The following DLG2 variants were observed in gnomAD, a reference collection of about 807,000 sequenced individuals.
DLG2 encodes the protein disks large homolog 2.
A neutral mutation model predicts 132.5 loss-of-function variants in DLG2; 45 were observed. The observed-to-expected ratio is 0.34, with a 90% CI of 0.27 to 0.44. DLG2 has a LOEUF of 0.44. DLG2 is among the 20% of genes least tolerant of loss of function. The probability of loss-of-function intolerance (pLI) is 1.00; values close to 1 mark genes in which losing one functional copy is unlikely to be tolerated. For synonymous variants in DLG2, 424 were observed against 419.6 expected (o/e 1.01, Z -0.13); for missense variants, 1,045 against 1,196.9 (o/e 0.87, Z 1.87).
chr11:84,685,409 T>C (rs1282484979), intron 6 of DLG2, among the ~76,000 whole-genome samples: 2 of 152,222 alleles, frequency 1.3e-5, no homozygotes, highest in Non-Finnish European at 2.9e-5. Context: ...CCCAGGATTA[T>C]TGGGCAAGAA....
At chr11:85,269,285 C>T (rs958299228) in intron 4 of DLG2, among the ~76,000 whole-genome samples, 1 of 152,166 alleles carries the variant, frequency 6.6e-6, no homozygotes, top group Admixed American at 6.5e-5. Flanking sequence ...GATCTTGGCC[C>T]ATCAGAAAAC....
At chr11:84,833,629 A>C (rs2079324270) in intron 6 of DLG2, among the ~76,000 whole-genome samples, 1 of 151,408 alleles carries the variant, frequency 6.6e-6, no homozygotes, top group African/African-American at 2.4e-5. Flanking sequence ...GTGATGAAAA[A>C]AAAAAGAGCA....
At chr11:83,510,281 C>T (rs964239141) in intron 21 of DLG2, among the ~76,000 whole-genome samples, 5 of 147,098 alleles carry the variant, frequency 3.4e-5, no homozygotes, top group Admixed American at 3.4e-4. Context: ...TGGATGTTGA[C>T]TCAGTTTCAG....
intron 6 of DLG2, among the ~76,000 whole-genome samples, chr11:84,961,526 TTGTGTGTGTGTGTG>T (rs71465017): frequency 5.6e-4 from 81 of 143,892 alleles, no homozygotes; most frequent in East Asian, 1.5e-3. Context: ...AATTGTATCT[TTGTGTGTGTGTGTG>T]TGTGTGTGTG....
intron 3 of DLG2, among the ~76,000 whole-genome samples, chr11:85,339,468 A>C (rs2082340972): frequency 6.6e-6 from 1 of 152,224 alleles, no homozygotes; most frequent in African/African-American, 2.4e-5. Flanking sequence ...ATCAATTTGC[A>C]TTGACATCAC....
At chr11:85,021,693 G>T in intron 6 of DLG2, 1 of 962,868 alleles carries the variant, frequency 1.0e-6, no homozygotes, top group African/African-American at 1.6e-5. Flanking sequence ...CTGAAAATGT[G>T]GCTGAAGATC....
chr11:84,132,371 T>C (rs2094452225), intron 9 of DLG2, among the ~76,000 whole-genome samples: 1 of 151,974 alleles, frequency 6.6e-6, no homozygotes, highest in Non-Finnish European at 1.5e-5. Context: ...GGTGGTAATG[T>C]GCAGATGCTT....
At chr11:85,527,186 T>TTTTTTA (rs1213726227) in intron 3 of DLG2, among the ~76,000 whole-genome samples, 5 of 151,980 alleles carry the variant, frequency 3.3e-5, no homozygotes, top group Middle Eastern at 3.2e-3. Context: ...ATTTTTTTTT[T>TTTTTTA]TTTTTATTTT....
rs563444469 is a variant in DLG2, at chr11:84,912,719, C to T, written c.357+198942G>A. 1.7e-3 allele frequency among the ~76,000 whole-genome samples: 257 copies of T among 152,260 alleles called. 1 individual carries two copies. The highest frequency in any genetic ancestry group is 2.1e-3 in the Non-Finnish European group (146 of 68,020). ...TCCACATCTCCTATATGGCGTGAGC[C>T]GTGGATGGGAAGTATAGCTGGAATT... is the stretch of plus-strand genomic sequence containing the variant. On this transcript the variant is annotated intron_variant, in intron 6 of 27. Coordinates refer to ENST00000376104, the MANE Select transcript of DLG2 (RefSeq NM_001142699.3).
rs1487708958 is a variant in DLG2 at position 85,328,887 on chromosome 11, G to T, written c.41-43522C>A. Among the ~76,000 whole-genome samples, 3 of 68,898 alleles carry T rather than the reference G, an allele frequency of 4.4e-5. 1 individual carries two copies. The Admixed American group carries it at 4.7e-4, about 11-fold the overall frequency. 45.2% of individuals were successfully genotyped at this position (68,898 alleles called of 152,430 possible). A position where few individuals can be genotyped will look rare whatever the true frequency, so the allele number is the denominator to read the frequency against. ...TTATCTAGAAAACCCCATCGTCTCA[G>T]CCCAAAATCTCCTTAAGCTGATAAG... is the stretch of plus-strand genomic sequence containing the variant. On this transcript the variant is annotated intron_variant, in intron 3 of 27. Transcript: ENST00000376104.
chr11:83,980,004 T>A (rs1330011924), intron 12 of DLG2, among the ~76,000 whole-genome samples: 2 of 152,202 alleles, frequency 1.3e-5, no homozygotes, highest in Non-Finnish European at 2.9e-5. Flanking sequence ...ACTTTTGAAA[T>A]CTCTTACTCA....
chr11:85,323,786 A>C, intron 3 of DLG2, among the ~76,000 whole-genome samples: 1 of 152,372 alleles, frequency 6.6e-6, no homozygotes, highest in South Asian at 2.1e-4. Context: ...TCTTTCACTT[A>C]ACATAATGTC....
intron 7 of DLG2, among the ~76,000 whole-genome samples, chr11:84,481,871 T>C (rs755512744): frequency 5.9e-5 from 9 of 152,206 alleles, no homozygotes; most frequent in Admixed American, 1.3e-4. Context: ...CCCAAATGCA[T>C]TGAATTGTTT....
At chr11:85,480,675 A>T (rs991703889) in intron 3 of DLG2, among the ~76,000 whole-genome samples, 3 of 152,224 alleles carry the variant, frequency 2.0e-5, no homozygotes, top group African/African-American at 7.2e-5. Context: ...ATAAATTCTT[A>T]ATTAGGCTCC....
chr11:85,444,291 T>C (rs2091912565), intron 3 of DLG2, among the ~76,000 whole-genome samples: 1 of 152,196 alleles, frequency 6.6e-6, no homozygotes, highest in Admixed American at 6.5e-5. Flanking sequence ...GGGGTAGGAA[T>C]GCCAGCACTG....
chr11:84,390,978 T>C (rs752419288), intron 7 of DLG2, among the ~76,000 whole-genome samples: 28 of 152,134 alleles, frequency 1.8e-4, no homozygotes, highest in Non-Finnish European at 3.7e-4. Context: ...ACAACAGTTT[T>C]AAGAGTCAGG....
chr11:84,112,906 G>A (rs1357915726), intron 9 of DLG2, among the ~76,000 whole-genome samples: 2 of 152,160 alleles, frequency 1.3e-5, no homozygotes, highest in Non-Finnish European at 2.9e-5. Context: ...TAAGTTTTCT[G>A]AACTATAACT....
chr11:84,065,673 TAAAAC>T lies in DLG2; in HGVS notation c.750-6194_750-6190del, dbSNP rs150780631. ...GGAGTTTGGGGATTTCTCAAGAACT[TAAAAC>T]AAAATTACCATTCAACCTAGAAATC... On this transcript the variant is annotated intron_variant, in intron 10 of 27. Transcript: ENST00000376104. 8.3e-3 allele frequency among the ~76,000 whole-genome samples: 1,266 copies of T among 152,228 alleles called. 12 individuals carry two copies. Among genetic ancestry groups the T allele is most frequent in the African/African-American group, 0.029 (1,204 of 41,548 alleles).
intron 6 of DLG2, among the ~76,000 whole-genome samples, chr11:84,695,241 A>G (rs540013536): frequency 6.6e-6 from 1 of 151,680 alleles, no homozygotes; most frequent in East Asian, 1.9e-4. Context: ...AAGTGAATTC[A>G]TAGAGGTTAA....
Sources: gnomAD v4.1 joint callset for allele counts (sites outside exome capture counted in the v4.1 genomes callset) on GRCh38, gnomAD v4.1.1 for gene constraint, MANE v1.5 for transcripts, NCBI Gene and HGNC (gene_info 2026-07-23, HGNC 2026-07-21) for gene names.